EGLN1: variants seen among roughly 807,000 people sequenced by gnomAD.
EGLN1 encodes egl-9 family hypoxia inducible factor 1.
Under a neutral mutation model 38.3 loss-of-function variants are expected in EGLN1, and 17 were observed. The observed-to-expected ratio is 0.44, with a 90% CI of 0.30 to 0.67. The LOEUF is 0.67. Among genes scored for constraint, EGLN1 ranks in the 30% least tolerant of loss-of-function variants. The probability of loss-of-function intolerance (pLI) is 0.08; values close to 1 mark genes in which losing one functional copy is unlikely to be tolerated. For missense variants in EGLN1, 477 were observed against 603.3 expected (o/e 0.79, Z 2.19); for synonymous variants, 283 against 257.5 (o/e 1.10, Z -0.95).
chr1:231,411,139 C>A (rs1375888577), intron 1 of EGLN1, among the ~76,000 whole-genome samples: 1 of 151,974 alleles, frequency 6.6e-6, no homozygotes, highest in Non-Finnish European at 1.5e-5. Context: ...AATTATAATC[C>A]CCATTGTCAG....
chr1:231,399,185 GAGC>G (rs1388989925), intron 1 of EGLN1, among the ~76,000 whole-genome samples: 1 of 152,118 alleles, frequency 6.6e-6, no homozygotes, highest in Non-Finnish European at 1.5e-5. Context: ...AAGACAGCAG[GAGC>G]AGCAGATCCC....
At chr1:231,384,405 G>A (rs1453242404) in intron 1 of EGLN1, among the ~76,000 whole-genome samples, 9 of 145,100 alleles carry the variant, frequency 6.2e-5, no homozygotes, top group African/African-American at 5.1e-5. Context: ...GCATTACGAA[G>A]AAAAAAAAAA....
At chr1:231,370,772 A>G in intron 2 of EGLN1, 74 bp from the exon 3 acceptor site, 3 of 1,515,984 alleles carry the variant, frequency 2.0e-6, no homozygotes, top group East Asian at 2.3e-5. Context: ...GGAAAAAAAG[A>G]GACAATTTCA....
intron 1 of EGLN1, among the ~76,000 whole-genome samples, chr1:231,387,390 C>T (rs1297136054): frequency 2.3e-4 from 33 of 145,268 alleles, no homozygotes; most frequent in South Asian, 4.3e-4. Flanking sequence ...GACGGCGTCT[C>T]GCTCTGTCGC....
At chr1:231,390,921 C>T (rs1688349999) in intron 1 of EGLN1, among the ~76,000 whole-genome samples, 1 of 151,694 alleles carries the variant, frequency 6.6e-6, no homozygotes, top group African/African-American at 2.4e-5. Flanking sequence ...GATCATAGCT[C>T]ACCGCAACGT....
chr1:231,409,409 G>C (rs559847258), intron 1 of EGLN1, among the ~76,000 whole-genome samples: 1 of 152,232 alleles, frequency 6.6e-6, no homozygotes, highest in South Asian at 2.1e-4. Context: ...CAGAAAGGCA[G>C]AGAGAATTAC....
intron 1 of EGLN1, among the ~76,000 whole-genome samples, chr1:231,388,394 C>G (rs1688276134): frequency 6.6e-6 from 1 of 152,132 alleles, no homozygotes; most frequent in South Asian, 2.1e-4. Flanking sequence ...TAGTTAGTTT[C>G]TCTATGAATC....
intron 1 of EGLN1, among the ~76,000 whole-genome samples, chr1:231,394,730 G>T (rs2749709): frequency 0.58 from 87,508 of 151,558 alleles, 26,021 homozygotes; most frequent in Non-Finnish European, 0.65. Flanking sequence ...TATTTTCTAT[G>T]TACTTACCTG....
chr1:231,421,468 C>A lies in EGLN1; in HGVS notation c.421G>T (p.Glu141Ter). 1 of 1,455,772 alleles carries A rather than the reference C, an allele frequency of 6.9e-7. No individual in the cohort carries two copies. The highest frequency in any genetic ancestry group is 1.5e-5 in the South Asian group (1 of 68,244). 90.2% of individuals were successfully genotyped at this position (1,455,772 alleles called of 1,614,324 possible). A position where few individuals can be genotyped will look rare whatever the true frequency, so the allele number is the denominator to read the frequency against. Residue 141 changes from glutamate (E) to a stop codon, truncating the protein, a stop_gained, in exon 1 of 5, where the codon GAA becomes TAA. Coordinates refer to ENST00000366641, the MANE Select transcript of EGLN1 (RefSeq NM_022051.3). LOFTEE classifies it high-confidence loss of function. The surrounding 1 kb of genome is among the most constrained non-coding windows in gnomAD (Gnocchi z 5.5). ...GGCTCCTCCTTGCCGGGCTCGGCTT[C>A]GGCAGCCACCGCCGAGCCCTGGCCG... Reference protein sequence around the residue: ...AGGQGSAVAAEAEPGKEEPPA... With the variant: ...AGGQGSAVAA
intron 1 of EGLN1, among the ~76,000 whole-genome samples, chr1:231,394,553 T>G (rs959268629): frequency 6.6e-6 from 1 of 151,036 alleles, no homozygotes; most frequent in African/African-American, 2.4e-5. Context: ...TAATTTTTTT[T>G]TTTTTTTTTG....
intron 1 of EGLN1, among the ~76,000 whole-genome samples, chr1:231,378,547 C>T (rs951420422): frequency 5.9e-5 from 9 of 152,138 alleles, no homozygotes; most frequent in Non-Finnish European, 1.2e-4. Context: ...CTGCCTGCCT[C>T]GGCCTCCCAA....
At chr1:231,372,232 C>G (rs1333110395) in intron 2 of EGLN1, among the ~76,000 whole-genome samples, 2 of 152,224 alleles carry the variant, frequency 1.3e-5, no homozygotes, top group Non-Finnish European at 2.9e-5. Flanking sequence ...GTCAATCTTT[C>G]TGATCTGTAT....
Position 231,421,515 on chromosome 1 carries a change from G to A in EGLN1, c.374C>T (p.Ser125Leu), listed in dbSNP as rs1212457845. 2 of 1,312,720 alleles carry A rather than the reference G, an allele frequency of 1.5e-6. No homozygotes were observed. The highest frequency in any genetic ancestry group is 4.1e-5 in the Admixed American group (1 of 24,100). The allele number at this position is 1,312,720 out of a possible 1,614,324, so 81.3% of individuals were successfully genotyped here. Residue 125 changes from serine to leucine, a missense_variant, in exon 1 of 5, where the codon TCG becomes TTG. By Grantham distance (145) the Ser-to-Leu change is moderately radical (BLOSUM62 -2). Transcript: ENST00000366641. The surrounding 1 kb of genome is among the most constrained non-coding windows in gnomAD (Gnocchi z 5.5). Reference sequence around the variant, plus strand: ...GCCGCCGGCGGCCGCACGACACGGCGACGCGGCCGCCGCTGGGTCGGCCGG... The same window carrying A: ...GCCGCCGGCGGCCGCACGACACGGCAACGCGGCCGCCGCTGGGTCGGCCGG... ...KPPADPAAAA[S>L]PCRAAAGGQG...
At chr1:231,409,994 A>G (rs745943541) in intron 1 of EGLN1, among the ~76,000 whole-genome samples, 8 of 152,136 alleles carry the variant, frequency 5.3e-5, no homozygotes, top group Non-Finnish European at 8.8e-5. Context: ...CCCAGGGGGA[A>G]AAAAAGTGTA....
chr1:231,412,713 G>A (rs1023931466), intron 1 of EGLN1, among the ~76,000 whole-genome samples: 2 of 152,176 alleles, frequency 1.3e-5, no homozygotes, highest in African/African-American at 2.4e-5. Context: ...CAGCCAATTT[G>A]AAGGAATGTG....
At chr1:231,389,110 A>G (rs1166794659) in intron 1 of EGLN1, among the ~76,000 whole-genome samples, 1 of 152,268 alleles carries the variant, frequency 6.6e-6, no homozygotes, top group African/African-American at 2.4e-5. Flanking sequence ...TGTGATCTCA[A>G]TTGAATCAAC....
chr1:231,388,657 TTG>T (rs1688289983), intron 1 of EGLN1, among the ~76,000 whole-genome samples: 10 of 151,412 alleles, frequency 6.6e-5, no homozygotes, highest in Admixed American at 5.3e-4. Flanking sequence ...TTTTTTGTTG[TTG>T]TTGTTGTTGT....
At position 231,411,346 on chromosome 1, in the gene EGLN1, T is replaced by C. The variant is rs915797695; in HGVS notation, c.891+9652A>G. ...AAGTTTCCTGAGGCCTCCCCAGCCA[T>C]GTGGAACTGTGAGTCAATTAAACTG... On this transcript the variant is annotated intron_variant, in intron 1 of 4. Coordinates refer to ENST00000366641, the MANE Select transcript of EGLN1 (RefSeq NM_022051.3). Among the ~76,000 whole-genome samples, 14 of 152,346 alleles carry C rather than the reference T, an allele frequency of 9.2e-5. No individual in the cohort carries two copies. In the South Asian group the frequency reaches 1.2e-3, roughly 14 times the overall value.
intron 1 of EGLN1, among the ~76,000 whole-genome samples, chr1:231,418,361 T>C (rs1416266832): frequency 2.6e-5 from 4 of 152,212 alleles, no homozygotes; most frequent in Non-Finnish European, 5.9e-5. Context: ...ATGTATCAAA[T>C]TGCAGTTCCA....
Sources: allele counts gnomAD v4.1 joint callset (sites outside exome capture counted in the v4.1 genomes callset), GRCh38; gene constraint gnomAD v4.1.1; non-coding constraint Gnocchi (gnomAD v3.1); transcripts MANE v1.5; gene names NCBI Gene and HGNC (gene_info 2026-07-23, HGNC 2026-07-21).